Variants in EYS observed in about 807,000 individuals in gnomAD.
The protein encoded by EYS is EGF-like photoreceptor maintenance factor.
EYS carries 250 observed loss-of-function variants against 282.1 expected under a neutral mutation model. The ratio of observed to expected loss-of-function variants is 0.89; its 90% CI spans 0.80 to 0.98. The LOEUF is 0.98. Ranked by LOEUF, EYS falls within the 50% of genes least tolerant of loss-of-function variation. The pLI is 0.00. For missense variants in EYS, 4,016 were observed against 3,709.0 expected, an observed-to-expected ratio of 1.08 and a Z score of -2.15; for synonymous variants, 1,355 against 1,282.9, an observed-to-expected ratio of 1.06 and a Z score of -1.20.
At chr6:64,234,828 G>C (rs1766532760) in intron 30 of EYS, among the ~76,000 whole-genome samples, 2 of 151,238 alleles carry the variant, frequency 1.3e-5, no homozygotes, top group Non-Finnish European at 2.9e-5. Context: ...TTTTCATTTA[G>C]TGTAATGTTT....
intron 29 of EYS, among the ~76,000 whole-genome samples, chr6:64,322,296 T>A (rs944467117): frequency 1.3e-5 from 2 of 152,026 alleles, no homozygotes; most frequent in African/African-American, 4.8e-5. Context: ...AATCACCATA[T>A]AGCATATGTG....
At chr6:63,897,830 A>G (rs1327934271) in intron 35 of EYS, among the ~76,000 whole-genome samples, 1 of 152,196 alleles carries the variant, frequency 6.6e-6, no homozygotes, top group Non-Finnish European at 1.5e-5. Context: ...TTGCAGGTCT[A>G]TACACCAGGG....
intron 2 of EYS, among the ~76,000 whole-genome samples, chr6:65,621,004 T>C (rs1187346477): frequency 2.0e-5 from 3 of 152,156 alleles, no homozygotes; most frequent in Non-Finnish European, 4.4e-5. Flanking sequence ...AGGTGTGGTG[T>C]GGTGCTGAAA....
chr6:63,770,794 G>A (rs1170277385), intron 40 of EYS, among the ~76,000 whole-genome samples: 1 of 152,122 alleles, frequency 6.6e-6, no homozygotes, highest in Non-Finnish European at 1.5e-5. Flanking sequence ...AGTCTTTGAA[G>A]AATATACAAT....
intron 22 of EYS, among the ~76,000 whole-genome samples, chr6:64,711,256 T>C (rs1771203536): frequency 6.6e-6 from 1 of 152,214 alleles, no homozygotes; most frequent in South Asian, 2.1e-4. Context: ...AAGTTAAACC[T>C]AGAAATGCTT....
At chr6:65,527,633 T>G (rs1360603188) in intron 2 of EYS, among the ~76,000 whole-genome samples, 2 of 152,246 alleles carry the variant, frequency 1.3e-5, no homozygotes, top group Non-Finnish European at 2.9e-5. Flanking sequence ...AATGATCTAG[T>G]TATTTCCACT....
At chr6:63,797,720 C>T (rs1476397255) in intron 37 of EYS, 1 of 152,138 alleles carries the variant, frequency 6.6e-6, no homozygotes, top group Non-Finnish European at 1.5e-5. Flanking sequence ...ATAGTGTCTA[C>T]CTCATGGGAT....
At chr6:64,125,026 G>C (rs553089475) in intron 31 of EYS, among the ~76,000 whole-genome samples, 6 of 152,124 alleles carry the variant, frequency 3.9e-5, no homozygotes, top group African/African-American at 1.2e-4. Flanking sequence ...ATTGAACAAA[G>C]ACAAAAGTTC....
intron 12 of EYS, among the ~76,000 whole-genome samples, chr6:65,184,919 A>G (rs1329458954): frequency 1.3e-5 from 2 of 151,706 alleles, no homozygotes; most frequent in Non-Finnish European, 2.9e-5. Context: ...CTGGCACAAC[A>G]CTATGGAATG....
chr6:64,008,454 G>A (rs555750928), intron 33 of EYS, among the ~76,000 whole-genome samples: 6 of 152,028 alleles, frequency 3.9e-5, no homozygotes, highest in African/African-American at 9.7e-5. Context: ...GAGGCATTTA[G>A]CCTGTTTACA....
At chr6:64,016,731 C>T (rs2149815421) in intron 33 of EYS, among the ~76,000 whole-genome samples, 1 of 152,098 alleles carries the variant, frequency 6.6e-6, no homozygotes, top group African/African-American at 2.4e-5. Flanking sequence ...CTATGTTGGC[C>T]TCCCACAGTG....
chr6:64,377,949 T>A (rs141229722), intron 29 of EYS: 2 of 152,284 alleles, frequency 1.3e-5, no homozygotes, highest in African/African-American at 4.8e-5. Flanking sequence ...ACGCATCTAC[T>A]GGGTTGTTGT....
intron 2 of EYS, among the ~76,000 whole-genome samples, chr6:65,580,785 AACCAGAAAT>A (rs1764838539): frequency 6.6e-6 from 1 of 152,048 alleles, no homozygotes; most frequent in Non-Finnish European, 1.5e-5. Flanking sequence ...CTAATGTTCT[AACCAGAAAT>A]TTATAATGTT....
At chr6:64,636,774 G>A (rs1186712558) in intron 22 of EYS, among the ~76,000 whole-genome samples, 5 of 150,250 alleles carry the variant, frequency 3.3e-5, no homozygotes, top group Non-Finnish European at 1.5e-5. Context: ...CAAAAAGTGG[G>A]CAAAGGATAT....
At chr6:64,259,405 T>C (rs1767507162) in intron 30 of EYS, among the ~76,000 whole-genome samples, 4 of 152,066 alleles carry the variant, frequency 2.6e-5, no homozygotes, top group Admixed American at 1.3e-4. Flanking sequence ...AAATTATTTC[T>C]CTGCCTCTTG....
chr6:65,473,399 A>G (rs2127244085), intron 5 of EYS, among the ~76,000 whole-genome samples: 1 of 152,094 alleles, frequency 6.6e-6, no homozygotes, highest in South Asian at 2.1e-4. Context: ...CTGTGTCAAT[A>G]CCTAAGAAAA....
chr6:64,008,970 T>C (rs976012861), intron 33 of EYS, among the ~76,000 whole-genome samples: 13 of 152,184 alleles, frequency 8.5e-5, no homozygotes, highest in Admixed American at 3.3e-4. Flanking sequence ...GTATAGTATC[T>C]AACAGGTGTT....
At chr6:65,633,044 G>A (rs1766972098) in intron 2 of EYS, among the ~76,000 whole-genome samples, 1 of 152,118 alleles carries the variant, frequency 6.6e-6, no homozygotes, top group African/African-American at 2.4e-5. Flanking sequence ...AATAGTAAAT[G>A]AGAAGTCAAA....
At chr6:65,472,960 T>C (rs1765270452) in intron 5 of EYS, among the ~76,000 whole-genome samples, 1 of 151,972 alleles carries the variant, frequency 6.6e-6, no homozygotes, top group Non-Finnish European at 1.5e-5. Context: ...GACACCGGTT[T>C]AATGAAATGA....
Sources: allele counts gnomAD v4.1 joint callset (sites outside exome capture counted in the v4.1 genomes callset), GRCh38; gene constraint gnomAD v4.1.1; transcripts MANE v1.5; gene names NCBI Gene and HGNC (gene_info 2026-07-23, HGNC 2026-07-21).